Variants in MYOCD observed in about 807,000 individuals in gnomAD.
MYOCD encodes the protein myocardin.
MYOCD carries 32 observed loss-of-function variants against 96.1 expected under a neutral mutation model. The observed-to-expected ratio is 0.33, with a 90% CI of 0.25 to 0.45. MYOCD has a LOEUF of 0.45. Ranked by LOEUF, MYOCD falls within the 20% of genes least tolerant of loss-of-function variation. MYOCD has a pLI of 1.00. For missense variants in MYOCD, 1,133 were observed against 1,200.6 expected, an observed-to-expected ratio of 0.94 and a Z score of 0.83; for synonymous variants, 469 against 469.0, an observed-to-expected ratio of 1.00 and a Z score of 0.00.
chr17:12,688,536 CCTTCCTTCCATCTT>C (rs1189473814), intron 1 of MYOCD, among the ~76,000 whole-genome samples: 3 of 103,522 alleles, frequency 2.9e-5, no homozygotes, highest in Admixed American at 1.0e-4. Flanking sequence ...CTTCTTCCTT[CCTTCCTTCCATCTT>C]CTTCCTTCCT....
At chr17:12,747,081 AG>A (rs1279325250) in intron 9 of MYOCD, among the ~76,000 whole-genome samples, 9 of 151,982 alleles carry the variant, frequency 5.9e-5, no homozygotes, top group African/African-American at 2.2e-4. Context: ...CATTCTGTGT[AG>A]ATTTGCTTTA....
At chr17:12,729,277 G>T (rs2032096011) in intron 5 of MYOCD, among the ~76,000 whole-genome samples, 1 of 152,202 alleles carries the variant, frequency 6.6e-6, no homozygotes, top group African/African-American at 2.4e-5. Context: ...GCTGAGGATG[G>T]TTCTGGGAAA....
At chr17:12,759,943 T>C (rs1453089103) in intron 12 of MYOCD, among the ~76,000 whole-genome samples, 1 of 152,250 alleles carries the variant, frequency 6.6e-6, no homozygotes, top group Admixed American at 6.5e-5. Context: ...TGCCTTCTTT[T>C]TCCCTTCTCC....
chr17:12,737,247 C>T (rs1045446087), intron 6 of MYOCD, among the ~76,000 whole-genome samples: 1 of 152,090 alleles, frequency 6.6e-6, no homozygotes, highest in African/African-American at 2.4e-5. Context: ...AAGATTGAAA[C>T]TCCATCTCAA....
chr17:12,754,873 C>T (rs899746440), intron 10 of MYOCD, among the ~76,000 whole-genome samples: 12 of 152,140 alleles, frequency 7.9e-5, no homozygotes, highest in Non-Finnish European at 1.5e-4. Flanking sequence ...CTATGAGCTC[C>T]AATGTATTAT....
chr17:12,737,055 G>C (rs1205880558), intron 6 of MYOCD, among the ~76,000 whole-genome samples: 1 of 152,174 alleles, frequency 6.6e-6, no homozygotes, highest in African/African-American at 2.4e-5. Flanking sequence ...AGGAGTGCAA[G>C]ACCAGCCTGG....
chr17:12,680,823 G>A (rs990834095), intron 1 of MYOCD, among the ~76,000 whole-genome samples: 1 of 152,292 alleles, frequency 6.6e-6, no homozygotes, highest in African/African-American at 2.4e-5. Flanking sequence ...CTGAACAGCC[G>A]TGCTAGTTGA....
chr17:12,753,000 A>G lies in MYOCD; in HGVS notation c.1712A>G (p.Lys571Arg), dbSNP rs754400804. 4 of 1,614,070 alleles carry G rather than the reference A, an allele frequency of 2.5e-6. No individual in the cohort carries two copies. The highest frequency in any genetic ancestry group is 1.3e-5 in the African/African-American group (1 of 74,926). Residue 571 changes from lysine to arginine, a missense_variant, in exon 10 of 14, where the codon AAG becomes AGG. Physicochemically the swap from Lys to Arg is conservative, Grantham distance 26. Transcript: ENST00000425538. ...KPLPFLAASI[K>R]QEEAVSSCPF... The stretch of plus-strand genomic sequence containing the variant: ...CTGCCTTTCCTGGCTGCCTCCATCA[A>G]GCAGGAAGAGGCTGTCTCCAGCTGT...
At chr17:12,708,977 C>T (rs529346673) in intron 2 of MYOCD, among the ~76,000 whole-genome samples, 3 of 152,206 alleles carry the variant, frequency 2.0e-5, no homozygotes, top group African/African-American at 4.8e-5. Context: ...GTGTGTCGTG[C>T]GAAAATGCCA....
intron 12 of MYOCD, 121 bp from the exon 13 acceptor site, chr17:12,760,529 T>C (rs2033140675): frequency 1.3e-6 from 1 of 775,648 alleles, no homozygotes; most frequent in South Asian, 1.5e-5. Flanking sequence ...TTTGCCACAA[T>C]TGGAAAAAAA....
intron 5 of MYOCD, 57 bp downstream of exon 5, chr17:12,723,065 C>T (rs541221844): frequency 7.2e-6 from 11 of 1,532,598 alleles, no homozygotes; most frequent in African/African-American, 6.9e-5. Flanking sequence ...GAGGGCAGCC[C>T]GGAGCTCTGA....
chr17:12,715,606 A>C, intron 3 of MYOCD, 32 bp downstream of exon 3: 6 of 1,556,214 alleles, frequency 3.9e-6, no homozygotes, highest in Non-Finnish European at 5.3e-6. Flanking sequence ...ACCCAAGCTT[A>C]GACTATAGGT....
intron 4 of MYOCD, among the ~76,000 whole-genome samples, chr17:12,717,781 G>A (rs1234018090): frequency 6.6e-6 from 1 of 152,178 alleles, no homozygotes; most frequent in African/African-American, 2.4e-5. Flanking sequence ...CAGTTCCCTT[G>A]CTACCTCTGT....
At chr17:12,703,391 C>T (rs2031161305) in intron 1 of MYOCD, among the ~76,000 whole-genome samples, 1 of 151,910 alleles carries the variant, frequency 6.6e-6, no homozygotes, top group South Asian at 2.1e-4. Context: ...TTTTTTTTCA[C>T]CAACTTCAGG....
intron 9 of MYOCD, among the ~76,000 whole-genome samples, chr17:12,749,240 G>T (rs889277406): frequency 2.0e-5 from 3 of 152,052 alleles, no homozygotes; most frequent in Admixed American, 2.0e-4. Flanking sequence ...TTCAAAACGT[G>T]ATTTCAGGCG....
At position 12,753,347 on chromosome 17, in the gene MYOCD, G is replaced by A; in HGVS notation, c.2058+1G>A. 3 of 1,559,600 alleles carry A rather than the reference G, an allele frequency of 1.9e-6. No individual in the cohort carries two copies. Among genetic ancestry groups the A allele is most frequent in the Non-Finnish European group, 2.6e-6 (3 of 1,152,930 alleles). On this transcript the variant is annotated splice_donor_variant, in intron 10 of 13. Transcript: ENST00000425538. LOFTEE classifies it high-confidence loss of function. ...CAGCAGCCAGGTGTGCACTGCACAG[G>A]TAAGAGCACCTTGCGCCATGCCTGG... is the stretch of plus-strand genomic sequence containing the variant.
chr17:12,667,009 A>AT (rs1909416444), intron 1 of MYOCD, among the ~76,000 whole-genome samples: 3 of 152,146 alleles, frequency 2.0e-5, no homozygotes, highest in Admixed American at 6.6e-5. Flanking sequence ...TTCTGAAGTT[A>AT]TTTTTCAGTA....
intron 9 of MYOCD, among the ~76,000 whole-genome samples, chr17:12,749,232 C>G (rs1371640719): frequency 1.3e-5 from 2 of 152,046 alleles, no homozygotes; most frequent in East Asian, 3.9e-4. Context: ...TTTTGCTATT[C>G]AAAACGTGAT....
At chr17:12,745,869 T>C in intron 8 of MYOCD, 50 bp from the exon 9 acceptor site, 1 of 1,596,714 alleles carries the variant, frequency 6.3e-7, no homozygotes, top group Non-Finnish European at 8.6e-7. Flanking sequence ...ATGCAAGTTA[T>C]CCCACCAATA....
Sources: allele counts gnomAD v4.1 joint callset (sites outside exome capture counted in the v4.1 genomes callset), GRCh38; gene constraint gnomAD v4.1.1; transcripts MANE v1.5; gene names NCBI Gene and HGNC (gene_info 2026-07-23, HGNC 2026-07-21).